ELOA: variants seen among roughly 807,000 people sequenced by gnomAD.
The protein encoded by ELOA is elongin-A.
A neutral mutation model predicts 85.2 loss-of-function variants in ELOA; 15 were observed. The ratio of observed to expected loss-of-function variants is 0.18; its 90% confidence interval spans 0.12 to 0.27. The LOEUF (loss-of-function observed/expected upper bound fraction) is 0.27, where lower values mean the gene tolerates loss of function less well. Ranked by LOEUF, ELOA falls within the 10% of genes least tolerant of loss-of-function variation. The probability of loss-of-function intolerance (pLI) is 1.00; values close to 1 mark genes in which losing one functional copy is unlikely to be tolerated. For missense variants in ELOA, 769 were observed against 952.7 expected (o/e 0.81, Z 2.54); for synonymous variants, 348 against 357.2 (o/e 0.97, Z 0.29).
rs1427565710 is a variant in ELOA at position 23,752,430 on chromosome 1, G to A, written c.1449G>A (p.Leu483=). ...LRKVPDVLPV[L]PDLPLPAIQA... ...AGGTGCCTGATGTGTTGCCAGTGTT[G>A]CCAGACCTCCCGTTACCCGCGATAC... Residue 483 remains leucine, a synonymous_variant, in exon 5 of 11, where the codon TTG becomes TTA. Transcript: ENST00000613537. 2.5e-6 allele frequency: 4 copies of A among 1,613,904 alleles called. No homozygotes were observed. The African/African-American group carries it at 5.3e-5, about 22-fold the overall frequency.
Position 23,761,178 on chromosome 1 carries a change from T to C in ELOA, c.*1605T>C, listed in dbSNP as rs1638289112. On this transcript the variant is annotated 3_prime_UTR_variant, in exon 11 of 11. Transcript: ENST00000613537. ...TATTGTGACAGGACACAAATGTTAC[T>C]ATGTTTTAATTTGCTATATTTTTGA... The C allele has an allele frequency of 6.6e-6, 1 of 151,974 alleles. No homozygotes were observed. Among genetic ancestry groups the C allele is most frequent in the Admixed American group, 6.5e-5 (1 of 15,268 alleles). The allele number at this position is 151,974 out of a possible 1,614,324, so 9.4% of individuals were successfully genotyped here.
Position 23,759,673 on chromosome 1 carries a change from GT to G in ELOA, c.*101del. ...CTACAGGAGACTGGAGTCTTGCTTTGTGGATCCTTTTGGTCTCCGAGTCCTG... is the reference window on the plus strand; with the variant it reads ...CTACAGGAGACTGGAGTCTTGCTTTGGGATCCTTTTGGTCTCCGAGTCCTG... On this transcript the variant is annotated 3_prime_UTR_variant, in exon 11 of 11. Coordinates refer to ENST00000613537, the MANE Select transcript of ELOA (RefSeq NM_003198.3). 1 of 1,431,066 alleles carries G rather than the reference GT, an allele frequency of 7.0e-7. No homozygotes were observed. Among genetic ancestry groups the G allele is most frequent in the South Asian group, 1.2e-5 (1 of 85,384 alleles). The allele number at this position is 1,431,066 out of a possible 1,614,324, so 88.6% of individuals were successfully genotyped here.
chr1:23,757,146 G>C, intron 10 of ELOA, 21 bp downstream of exon 10: 2 of 1,520,002 alleles, frequency 1.3e-6, no homozygotes, highest in Non-Finnish European at 1.8e-6. Context: ...TGGAGTTCCT[G>C]CTCAAATATT....
rs1054681430 is a variant in ELOA at position 23,759,737 on chromosome 1, C to T, written c.*164C>T. ...GCTGCCCCTGGGAACCTGCGTGCCACAGCCCCGCCTCCCTGCCTGGAGCAC... is the reference window on the plus strand; with the variant it reads ...GCTGCCCCTGGGAACCTGCGTGCCATAGCCCCGCCTCCCTGCCTGGAGCAC... On this transcript the variant is annotated 3_prime_UTR_variant, in exon 11 of 11. Transcript: ENST00000613537. 3.0e-6 allele frequency: 2 copies of T among 676,130 alleles called. No homozygotes were observed. Among genetic ancestry groups the T allele is most frequent in the Non-Finnish European group, 5.1e-6 (2 of 390,826 alleles). 41.9% of individuals were successfully genotyped at this position (676,130 alleles called of 1,614,324 possible).
intron 3 of ELOA, among the ~76,000 whole-genome samples, chr1:23,750,170 C>CTTTTTTTTTT (rs747972246): frequency 1.1e-4 from 10 of 90,516 alleles, no homozygotes; most frequent in South Asian, 4.1e-4. Flanking sequence ...TGGTACGTTT[C>CTTTTTTTTTT]TTTTTTTTTT....
At chr1:23,755,050 A>G (rs1331204109) in intron 7 of ELOA, among the ~76,000 whole-genome samples, 1 of 151,914 alleles carries the variant, frequency 6.6e-6, no homozygotes, top group African/African-American at 2.4e-5. Context: ...GATCCTCCCA[A>G]GTAGCTGGGA....
intron 1 of ELOA, among the ~76,000 whole-genome samples, chr1:23,746,334 G>T (rs560932506): frequency 6.7e-6 from 1 of 148,502 alleles, no homozygotes; most frequent in Non-Finnish European, 1.5e-5. Context: ...TTGGCCGGGC[G>T]CAGTGGCTCA....
Position 23,751,255 on chromosome 1 carries a change from C to T in ELOA, c.650C>T (p.Ala217Val), listed in dbSNP as rs1458567819. 1.2e-6 allele frequency: 2 copies of T among 1,614,190 alleles called. No homozygotes were observed. Among genetic ancestry groups the T allele is most frequent in the East Asian group, 2.2e-5 (1 of 44,874 alleles). Reference protein sequence around the residue: ...HQKPGKGHSNAFQDRLGASQE... With the variant: ...HQKPGKGHSNVFQDRLGASQE... Reference sequence around the variant, plus strand: ...AAGCCTGGGAAAGGCCACAGCAATGCCTTTCAGGACAGACTCGGGGCCAGC... The same window carrying T: ...AAGCCTGGGAAAGGCCACAGCAATGTCTTTCAGGACAGACTCGGGGCCAGC... The change falls in exon 4 of 11, where the codon GCC (alanine) becomes GTC (valine). Residue 217 changes from alanine to valine, a missense_variant. Transcript: ENST00000613537.
intron 9 of ELOA, 53 bp downstream of exon 9, chr1:23,756,438 G>GC: frequency 6.7e-7 from 1 of 1,486,930 alleles, no homozygotes; most frequent in South Asian, 1.2e-5. Context: ...CTTAGAGGTA[G>GC]CCATAGCGGC....
At chr1:23,752,320 C>A in intron 4 of ELOA, 87 bp from the exon 5 acceptor site, 2 of 1,299,542 alleles carry the variant, frequency 1.5e-6, no homozygotes, top group South Asian at 2.6e-5. Flanking sequence ...TGCAAGATGT[C>A]CAGTTAATGC....
chr1:23,759,471 G>A (rs372624086), intron 10 of ELOA, 41 bp from the exon 11 acceptor site: 175 of 1,610,242 alleles, frequency 1.1e-4, no homozygotes, highest in Middle Eastern at 1.6e-4. Flanking sequence ...TGTCTAAGCC[G>A]CCACAGATCT....
chr1:23,750,582 C>T (rs1365016742), intron 3 of ELOA, among the ~76,000 whole-genome samples: 1 of 151,930 alleles, frequency 6.6e-6, no homozygotes, highest in East Asian at 1.9e-4. Context: ...TAAACATGTC[C>T]CCATGTTTTA....
chr1:23,758,758 C>A (rs559452284), intron 10 of ELOA, among the ~76,000 whole-genome samples: 2 of 151,858 alleles, frequency 1.3e-5, no homozygotes, highest in South Asian at 4.2e-4. Context: ...TCAGATGAAC[C>A]ATTCAGGAGG....
intron 7 of ELOA, 45 bp from the exon 8 acceptor site, chr1:23,755,798 T>TG: frequency 7.0e-7 from 1 of 1,419,050 alleles, no homozygotes; most frequent in Non-Finnish European, 9.4e-7. Context: ...AAAAAAAATA[T>TG]GGAAAAGTGC....
Position 23,761,842 on chromosome 1 carries a change from T to A in ELOA, c.*2269T>A, listed in dbSNP as rs1487898740. The A allele has an allele frequency of 2.0e-5, 3 of 152,198 alleles. No homozygotes were observed. The allele number at this position is 152,198 out of a possible 1,614,324, so 9.4% of individuals were successfully genotyped here. On this transcript the variant is annotated 3_prime_UTR_variant, in exon 11 of 11. Transcript: ENST00000613537. ...CAAATTACAAATTACCCTTTTGTGA[T>A]CCTTGGTGTACTGAGCAGTTTCTTT...
intron 3 of ELOA, among the ~76,000 whole-genome samples, chr1:23,750,506 T>G (rs1052983306): frequency 2.0e-5 from 3 of 152,174 alleles, no homozygotes; most frequent in Non-Finnish European, 4.4e-5. Context: ...AACTGCTCCT[T>G]AAATGGCATT....
At position 23,758,259 on chromosome 1, in the gene ELOA, ATTTTTT is replaced by A. The variant is rs1162019928; in HGVS notation, c.2257+1160_2257+1165del. ...ATTGGGTCTTCCAATTTATTTATTT[ATTTTTT>A]TTTTTTTTTTTTTTTTTTTTTTTTT... On this transcript the variant is annotated intron_variant, in intron 10 of 10. Coordinates refer to ENST00000613537, the MANE Select transcript of ELOA (RefSeq NM_003198.3). 4.8e-4 allele frequency among the ~76,000 whole-genome samples: 20 copies of A among 41,956 alleles called. 1 individual carries two copies. The highest frequency in any genetic ancestry group is 1.4e-3 in the African/African-American group (15 of 10,352). 27.5% of individuals were successfully genotyped at this position (41,956 alleles called of 152,430 possible).
At position 23,755,865 on chromosome 1, in the gene ELOA, A is replaced by C; in HGVS notation, c.1814A>C (p.Gln605Pro). The C allele has an allele frequency of 6.2e-7, 1 of 1,608,694 alleles. No homozygotes were observed. The highest frequency in any genetic ancestry group is 2.2e-5 in the East Asian group (1 of 44,822). The change falls in exon 8 of 11, where the codon CAA (glutamine) becomes CCA (proline). Residue 605 changes from glutamine (Q) to proline (P), a missense_variant. Around this residue, in one of 4 missense-constraint regions of ELOA, gnomAD observed 193 missense variants for 278.9 expected, o/e 0.69. Transcript: ENST00000613537. ...YNHVLIEETD[Q>P]LWKVHCHRDF... ...CAGGTATTAATTGAAGAAACAGATCAATTATGGAAAGTTCATTGTCACCGA... is the reference window on the plus strand; with the variant it reads ...CAGGTATTAATTGAAGAAACAGATCCATTATGGAAAGTTCATTGTCACCGA...
chr1:23,758,806 C>T (rs552852185), intron 10 of ELOA, among the ~76,000 whole-genome samples: 19 of 151,994 alleles, frequency 1.3e-4, no homozygotes, highest in Non-Finnish European at 2.9e-5. Flanking sequence ...GCATAGCCAC[C>T]TTAGACCTGT....
Sources: allele counts gnomAD v4.1 joint callset (sites outside exome capture counted in the v4.1 genomes callset), GRCh38; gene constraint gnomAD v4.1.1; regional missense constraint gnomAD v4.1.1; transcripts MANE v1.5; gene names NCBI Gene and HGNC (gene_info 2026-07-23, HGNC 2026-07-21).